Variants in CDIN1 observed in about 807,000 individuals in gnomAD.
CDIN1 encodes CDAN1 interacting nuclease 1, also known as CDAN1-interacting nuclease 1.
CDIN1 carries 33 observed loss-of-function variants against 45.3 expected under a neutral mutation model. That is an observed-to-expected ratio of 0.73 (90% CI 0.55 to 0.97). The LOEUF is 0.97. Among genes scored for constraint, CDIN1 ranks in the 50% least tolerant of loss-of-function variants. The probability of loss-of-function intolerance (pLI) is 0.00; values close to 1 mark genes in which losing one functional copy is unlikely to be tolerated. For synonymous variants in CDIN1, 118 were observed against 124.4 expected (o/e 0.95, Z 0.34); for missense variants, 303 against 339.4 (o/e 0.89, Z 0.84).
chr15:36,797,298 G>T (rs2054833507), intron 10 of CDIN1, among the ~76,000 whole-genome samples: 1 of 151,994 alleles, frequency 6.6e-6, no homozygotes, highest in East Asian at 1.9e-4. Flanking sequence ...ATATGGCCAG[G>T]AACAGTAGTA....
intron 10 of CDIN1, among the ~76,000 whole-genome samples, chr15:36,756,367 C>T (rs746070029): frequency 6.6e-5 from 10 of 152,106 alleles, no homozygotes; most frequent in Non-Finnish European, 1.3e-4. Context: ...GGTGTTTTAA[C>T]ACAAAATAGT....
chr15:36,629,624 A>G (rs949130022), intron 1 of CDIN1, among the ~76,000 whole-genome samples: 4 of 152,306 alleles, frequency 2.6e-5, no homozygotes, highest in East Asian at 1.9e-4. Flanking sequence ...GTCTCATGTT[A>G]TATTCTAAAC....
chr15:36,773,653 C>T (rs918070), intron 10 of CDIN1, among the ~76,000 whole-genome samples: 122,082 of 152,164 alleles, frequency 0.8, 51,819 homozygotes, highest in East Asian at 0.95. Flanking sequence ...AAAACAAAAA[C>T]AAAAACCAAA....
chr15:36,801,441 A>AT (rs1412767409), intron 10 of CDIN1, among the ~76,000 whole-genome samples: 1 of 152,156 alleles, frequency 6.6e-6, no homozygotes, highest in African/African-American at 2.4e-5. Context: ...TACTAGAGGT[A>AT]TTTTAGGAGC....
chr15:36,734,410 T>TTA, intron 10 of CDIN1: 1 of 387,474 alleles, frequency 2.6e-6, no homozygotes, highest in Non-Finnish European at 5.0e-6. Context: ...TTTTTTTTTT[T>TTA]AAAAAAAGCT....
chr15:36,617,231 C>T, intron 1 of CDIN1: 1 of 879,950 alleles, frequency 1.1e-6, no homozygotes, highest in Non-Finnish European at 2.0e-6. Context: ...GAAACAGCAG[C>T]CACATCGGGT....
chr15:36,798,798 A>G (rs1336022427), intron 10 of CDIN1: 4 of 152,222 alleles, frequency 2.6e-5, no homozygotes, highest in African/African-American at 9.6e-5. Flanking sequence ...TTGGGTACGC[A>G]AGATTTATGT....
intron 1 of CDIN1, among the ~76,000 whole-genome samples, chr15:36,598,811 TTTTGTTTG>T (rs948263743): frequency 6.6e-6 from 1 of 152,136 alleles, no homozygotes; most frequent in Non-Finnish European, 1.5e-5. Context: ...TAGTGAGTTT[TTTTGTTTG>T]TTTGTTTGTT....
chr15:36,778,513 A>G (rs1337013368), intron 10 of CDIN1, among the ~76,000 whole-genome samples: 10 of 152,214 alleles, frequency 6.6e-5, no homozygotes, highest in Non-Finnish European at 1.5e-4. Context: ...CAATTATCCC[A>G]GAAAATAGTC....
intron 10 of CDIN1, among the ~76,000 whole-genome samples, chr15:36,788,583 G>A (rs1054534316): frequency 5.3e-5 from 8 of 152,064 alleles, no homozygotes; most frequent in African/African-American, 1.4e-4. Context: ...ATAAAAAATA[G>A]CTTGTCAGAA....
chr15:36,783,620 C>A (rs922889665), intron 10 of CDIN1, among the ~76,000 whole-genome samples: 3 of 151,998 alleles, frequency 2.0e-5, no homozygotes, highest in African/African-American at 4.8e-5. Context: ...CTTTAGGACC[C>A]AAAAAGAGCT....
At position 36,657,893 on chromosome 15, in the gene CDIN1, G is replaced by A. The variant is rs2040845787; in HGVS notation, c.334G>A (p.Glu112Lys). 1 of 1,611,258 alleles carries A rather than the reference G, an allele frequency of 6.2e-7. No individual in the cohort carries two copies. Among genetic ancestry groups the A allele is most frequent in the Non-Finnish European group, 8.5e-7 (1 of 1,178,646 alleles). Residue 112 changes from glutamate (E) to lysine (K), a missense_variant, in exon 5 of 11, where the codon GAG becomes AAG. Physicochemically the swap from Glu to Lys is moderately conservative, Grantham distance 56. Transcript: ENST00000566621. ...LILERFLQEH[E>K]ETPPSKSIIN... ...ACTGGAGAGGTTTCTACAGGAACAC[G>A]AGGAAACTCCACGTGAGTTACCCTT...
At chr15:36,638,548 A>G (rs2039990483) in intron 1 of CDIN1, among the ~76,000 whole-genome samples, 1 of 152,192 alleles carries the variant, frequency 6.6e-6, no homozygotes, top group South Asian at 2.1e-4. Context: ...ACTTCAGGCA[A>G]TAGTGGTGGT....
intron 1 of CDIN1, chr15:36,627,847 G>C (rs1359893288): frequency 6.6e-6 from 1 of 152,190 alleles, no homozygotes; most frequent in Non-Finnish European, 1.5e-5. Flanking sequence ...CGGCCCACCA[G>C]GTTCACATCT....
intron 1 of CDIN1, among the ~76,000 whole-genome samples, chr15:36,604,418 TACACACAC>T (rs144533313): frequency 7.0e-5 from 9 of 128,806 alleles, no homozygotes; most frequent in East Asian, 2.5e-4. Context: ...TTTTAAAAGG[TACACACAC>T]ACACACACAC....
chr15:36,622,963 C>T (rs2039261687), intron 1 of CDIN1, among the ~76,000 whole-genome samples: 2 of 152,202 alleles, frequency 1.3e-5, no homozygotes, highest in Admixed American at 1.3e-4. Flanking sequence ...TTGAGACACA[C>T]AAATGTATGG....
At chr15:36,722,513 C>T (rs2043461778) in intron 10 of CDIN1, among the ~76,000 whole-genome samples, 1 of 152,200 alleles carries the variant, frequency 6.6e-6, no homozygotes, top group Non-Finnish European at 1.5e-5. Flanking sequence ...CTACTGGTAG[C>T]ACTCAGGGCT....
intron 10 of CDIN1, among the ~76,000 whole-genome samples, chr15:36,758,460 G>T (rs1381804208): frequency 6.6e-6 from 1 of 152,168 alleles, no homozygotes; most frequent in East Asian, 1.9e-4. Flanking sequence ...TTCATAAGAT[G>T]AGGAAAGGCA....
chr15:36,676,788 A>G (rs2041665367), intron 5 of CDIN1, among the ~76,000 whole-genome samples: 1 of 152,084 alleles, frequency 6.6e-6, no homozygotes, highest in Non-Finnish European at 1.5e-5. Flanking sequence ...GTGGCCCTAT[A>G]TTTGCTCTGC....
Sources: allele counts gnomAD v4.1 joint callset (sites outside exome capture counted in the v4.1 genomes callset), GRCh38; gene constraint gnomAD v4.1.1; transcripts MANE v1.5; gene names NCBI Gene and HGNC (gene_info 2026-07-23, HGNC 2026-07-21).